Variants in EPHA7 observed in about 807,000 individuals in gnomAD.
EPHA7 encodes EPH receptor A7.
In EPHA7, 25 loss-of-function variants were observed where a neutral mutation model predicts 112.6. That is an observed-to-expected ratio of 0.22 (90% CI 0.16 to 0.31). EPHA7 has a LOEUF of 0.31. Ranked by LOEUF, EPHA7 falls within the 10% of genes least tolerant of loss-of-function variation. EPHA7 has a pLI of 1.00. For missense variants in EPHA7, 962 were observed against 1,212.6 expected (o/e 0.79, Z 3.07); for synonymous variants, 437 against 406.5 (o/e 1.07, Z -0.90).
chr6:93,258,363 TTTTTC>T (rs1770537389), intron 10 of EPHA7, 79 bp from the exon 11 acceptor site: 2 of 1,322,298 alleles, frequency 1.5e-6, no homozygotes, highest in Non-Finnish European at 2.1e-6. Flanking sequence ...CGTTGAATTA[TTTTTC>T]TTTAACTTTT....
chr6:93,299,059 G>C (rs1772826374), intron 5 of EPHA7, among the ~76,000 whole-genome samples: 1 of 152,114 alleles, frequency 6.6e-6, no homozygotes, highest in African/African-American at 2.4e-5. Context: ...GGGCGCGGTG[G>C]CTCAAGCCTG....
In EPHA7 at chr6:93,395,641, T is replaced by TC. The variant is rs1778134867; in HGVS notation, c.832+14859dup. On this transcript the variant is annotated intron_variant, in intron 3 of 16. Transcript: ENST00000369303. Reference sequence around the variant, plus strand: ...TGTCCGTCACTCACTTTTTGAAGTGTCAGATAACATTATTTCTCAAATGAC... The same window carrying TC: ...TGTCCGTCACTCACTTTTTGAAGTGTCCAGATAACATTATTTCTCAAATGAC... 8.0e-5 allele frequency among the ~76,000 whole-genome samples: 12 copies of TC among 150,558 alleles called. No individual in the cohort carries two copies. In the Admixed American group the frequency reaches 8.0e-4, roughly 10 times the overall value.
intron 3 of EPHA7, among the ~76,000 whole-genome samples, chr6:93,358,646 G>C (rs164545): frequency 0.37 from 55,808 of 151,946 alleles, 11,439 homozygotes; most frequent in East Asian, 0.55. Context: ...GTTGGCACCA[G>C]GCCAAAGTCT....
At chr6:93,404,680 C>T (rs1194609576) in intron 3 of EPHA7, among the ~76,000 whole-genome samples, 2 of 149,646 alleles carry the variant, frequency 1.3e-5, no homozygotes, top group African/African-American at 2.5e-5. Flanking sequence ...GAGACATATA[C>T]TTCTCACGGT....
intron 3 of EPHA7, among the ~76,000 whole-genome samples, chr6:93,386,106 C>T (rs1777591679): frequency 6.6e-6 from 1 of 152,078 alleles, no homozygotes; most frequent in Non-Finnish European, 1.5e-5. Context: ...TGGGCACCTC[C>T]CAAATTTCAT....
At chr6:93,413,347 C>T (rs1442769885) in intron 2 of EPHA7, among the ~76,000 whole-genome samples, 1 of 151,890 alleles carries the variant, frequency 6.6e-6, no homozygotes, top group Admixed American at 6.6e-5. Context: ...ATAACATTGA[C>T]AGTCATAATT....
At chr6:93,359,874 G>GATAGAT (rs1554185716) in intron 3 of EPHA7, among the ~76,000 whole-genome samples, 65 of 127,926 alleles carry the variant, frequency 5.1e-4, no homozygotes, top group African/African-American at 9.4e-4. Context: ...GAGAGAGAGA[G>GATAGAT]AGATAGATAG....
intron 5 of EPHA7, among the ~76,000 whole-genome samples, chr6:93,315,744 G>A (rs1248257114): frequency 6.6e-6 from 1 of 152,090 alleles, no homozygotes; most frequent in Admixed American, 6.6e-5. Context: ...TTTTACCTAA[G>A]AAGTACTGTG....
At chr6:93,383,850 T>C (rs1156793148) in intron 3 of EPHA7, among the ~76,000 whole-genome samples, 4 of 152,096 alleles carry the variant, frequency 2.6e-5, no homozygotes, top group Non-Finnish European at 5.9e-5. Flanking sequence ...GGAGTGTCAG[T>C]GTGCCTGGTT....
At chr6:93,340,836 T>C (rs1451348655) in intron 5 of EPHA7, among the ~76,000 whole-genome samples, 4 of 151,856 alleles carry the variant, frequency 2.6e-5, no homozygotes, top group Admixed American at 6.6e-5. Flanking sequence ...AAGTTATACA[T>C]TGAGAGAAAA....
intron 13 of EPHA7, among the ~76,000 whole-genome samples, chr6:93,255,212 G>GT (rs1179123163): frequency 6.6e-5 from 10 of 152,088 alleles, no homozygotes; most frequent in Non-Finnish European, 1.5e-4. Context: ...TCCGTGCGTG[G>GT]TGGTGGGCGC....
At chr6:93,257,387 G>C in intron 12 of EPHA7, 75 bp downstream of exon 12, 1 of 1,123,036 alleles carries the variant, frequency 8.9e-7, no homozygotes. Context: ...ATTTTACATT[G>C]CAAAAAAAGT....
intron 5 of EPHA7, among the ~76,000 whole-genome samples, chr6:93,272,970 A>T (rs369741840): frequency 8.5e-5 from 13 of 152,054 alleles, no homozygotes; most frequent in South Asian, 4.1e-4. Flanking sequence ...AGACTTTATT[A>T]GGTCAAGATG....
At chr6:93,260,616 T>A (rs1286791997) in intron 9 of EPHA7, 2 of 972,156 alleles carry the variant, frequency 2.1e-6, no homozygotes, top group African/African-American at 3.5e-5. Context: ...AAACTATATT[T>A]TAAAAGTAAA....
chr6:93,378,427 T>C (rs1777167223), intron 3 of EPHA7, among the ~76,000 whole-genome samples: 1 of 152,046 alleles, frequency 6.6e-6, no homozygotes, highest in African/African-American at 2.4e-5. Context: ...TAATGCAAGA[T>C]GACATGTAAG....
chr6:93,357,905 C>T (rs1270148949), intron 4 of EPHA7, among the ~76,000 whole-genome samples: 1 of 152,084 alleles, frequency 6.6e-6, no homozygotes, highest in African/African-American at 2.4e-5. Context: ...TATGATCCAC[C>T]CGCCTTGGCC....
At chr6:93,288,918 C>T (rs1772210961) in intron 5 of EPHA7, among the ~76,000 whole-genome samples, 1 of 152,114 alleles carries the variant, frequency 6.6e-6, no homozygotes, top group African/African-American at 2.4e-5. Context: ...TTTGTTTTCC[C>T]CACTAGACTG....
intron 5 of EPHA7, among the ~76,000 whole-genome samples, chr6:93,317,580 G>T (rs1055093853): frequency 1.9e-4 from 29 of 152,132 alleles, no homozygotes; most frequent in African/African-American, 6.8e-4. Context: ...GGCATATAAA[G>T]ATTTAGTCTT....
At chr6:93,293,195 T>C (rs1160982305) in intron 5 of EPHA7, among the ~76,000 whole-genome samples, 1 of 151,660 alleles carries the variant, frequency 6.6e-6, no homozygotes, top group Non-Finnish European at 1.5e-5. Context: ...AATTTTTTGT[T>C]ATTCATAATT....
Sources: allele counts gnomAD v4.1 joint callset (sites outside exome capture counted in the v4.1 genomes callset), GRCh38; gene constraint gnomAD v4.1.1; transcripts MANE v1.5; gene names NCBI Gene and HGNC (gene_info 2026-07-23, HGNC 2026-07-21).